MRPS27: variants seen among roughly 807,000 people sequenced by gnomAD.
MRPS27 encodes the protein mitochondrial ribosomal protein S27.
A neutral mutation model predicts 48.9 loss-of-function variants in MRPS27; 43 were observed. That is an observed-to-expected ratio of 0.88 (90% CI 0.69 to 1.13). The LOEUF is 1.13. Ranked by LOEUF, MRPS27 falls within the 50% of genes most tolerant of loss-of-function variation. The pLI is 0.00. For missense variants in MRPS27, 467 were observed against 476.3 expected (o/e 0.98, Z 0.18); for synonymous variants, 188 against 171.9 (o/e 1.09, Z -0.73).
chr5:72,297,186 T>C (rs1455086818), intron 3 of MRPS27, among the ~76,000 whole-genome samples: 1 of 152,218 alleles, frequency 6.6e-6, no homozygotes, highest in African/African-American at 2.4e-5. Flanking sequence ...TGGTTACTAT[T>C]CCTGATTCCT....
chr5:72,284,387 G>A (rs2112039435), intron 4 of MRPS27, among the ~76,000 whole-genome samples: 1 of 150,596 alleles, frequency 6.6e-6, no homozygotes, highest in South Asian at 2.1e-4. Context: ...TCCTGCCACT[G>A]CATGCCAGCC....
chr5:72,294,194 TA>T (rs1286056391), intron 4 of MRPS27, among the ~76,000 whole-genome samples: 6 of 148,644 alleles, frequency 4.0e-5, no homozygotes, highest in East Asian at 2.0e-4. Context: ...ATTCAGAAAT[TA>T]AAAAAAAAGC....
At chr5:72,291,388 C>A (rs963064050) in intron 4 of MRPS27, among the ~76,000 whole-genome samples, 1 of 152,126 alleles carries the variant, frequency 6.6e-6, no homozygotes, top group African/African-American at 2.4e-5. Context: ...TAGTTTCTTA[C>A]AACAGAAACC....
chr5:72,243,077 C>T lies in MRPS27; in HGVS notation c.282-4949G>A, dbSNP rs369970159. On this transcript the variant is annotated intron_variant, in intron 4 of 10. Coordinates refer to ENST00000261413, the MANE Select transcript of MRPS27 (RefSeq NM_015084.3). ...CTGTATCCTGTGGCAACAGGCTTTA[C>T]AGATGGGAACCTCAGCCACGGAGCT... is the stretch of plus-strand genomic sequence containing the variant. 5.3e-5 allele frequency among the ~76,000 whole-genome samples: 8 copies of T among 152,314 alleles called. No homozygotes were observed. In the East Asian group the frequency reaches 1.5e-3, roughly 29 times the overall value.
intron 4 of MRPS27, among the ~76,000 whole-genome samples, chr5:72,283,130 G>C (rs1012436888): frequency 6.6e-6 from 1 of 152,038 alleles, no homozygotes; most frequent in African/African-American, 2.4e-5. Flanking sequence ...CTGATGTCCA[G>C]AGAGTTCACT....
intron 2 of MRPS27, among the ~76,000 whole-genome samples, chr5:72,312,621 ATTT>A (rs1053626658): frequency 7.2e-6 from 1 of 138,192 alleles, no homozygotes. Flanking sequence ...AATCATACTG[ATTT>A]TTTTTTTTTT....
chr5:72,234,535 G>A (rs377345519), intron 5 of MRPS27, among the ~76,000 whole-genome samples: 1 of 152,010 alleles, frequency 6.6e-6, no homozygotes, highest in African/African-American at 2.4e-5. Context: ...CTGGTTCAGT[G>A]ACTCTTCTTA....
At chr5:72,252,273 T>A (rs576460978) in intron 4 of MRPS27, among the ~76,000 whole-genome samples, 1 of 152,338 alleles carries the variant, frequency 6.6e-6, no homozygotes, top group African/African-American at 2.4e-5. Flanking sequence ...ACTTGTACCA[T>A]AAGTATATTT....
chr5:72,317,925 T>G (rs1380532900), intron 1 of MRPS27, among the ~76,000 whole-genome samples: 2 of 152,226 alleles, frequency 1.3e-5, no homozygotes, highest in East Asian at 3.8e-4. Flanking sequence ...TACTTTAAGC[T>G]GGGGTGTCCA....
chr5:72,264,560 G>A (rs1276701929), intron 4 of MRPS27, among the ~76,000 whole-genome samples: 1 of 152,190 alleles, frequency 6.6e-6, no homozygotes, highest in Non-Finnish European at 1.5e-5. Context: ...GAGGTCTTTG[G>A]AGGGGGTGTA....
At chr5:72,303,990 CAAT>C (rs1162567150) in intron 2 of MRPS27, among the ~76,000 whole-genome samples, 11 of 150,532 alleles carry the variant, frequency 7.3e-5, no homozygotes, top group African/African-American at 2.0e-4. Context: ...TTTTAGAACT[CAAT>C]AAAATTGGTT....
intron 2 of MRPS27, among the ~76,000 whole-genome samples, chr5:72,309,114 G>A (rs1750366105): frequency 6.6e-6 from 1 of 151,544 alleles, no homozygotes; most frequent in South Asian, 2.1e-4. Flanking sequence ...TGACTGGAGA[G>A]ATTCAGGATA....
In MRPS27 at chr5:72,220,996, A is replaced by G; in HGVS notation, c.1158T>C (p.Leu386=). The change falls in exon 11 of 11, where the codon CTT becomes CTC. Residue 386 remains leucine, a synonymous_variant. Transcript: ENST00000261413. Reference sequence around the variant, plus strand: ...GCTGTTCTCTCTGGATCAACTGTACAAGGTCTAGATGCCACTGCTGCAGAT... The same window carrying G: ...GCTGTTCTCTCTGGATCAACTGTACGAGGTCTAGATGCCACTGCTGCAGAT... The part of the protein sequence containing the change: ...EQNLQQWHLD[L]VQLIQREQQQ... 1 of 1,614,084 alleles carries G rather than the reference A, an allele frequency of 6.2e-7. No homozygotes were observed.
Position 72,225,909 on chromosome 5 carries a change from T to C in MRPS27, c.837+148A>G, listed in dbSNP as rs1321094770. On this transcript the variant is annotated intron_variant, in intron 9 of 10. Coordinates refer to ENST00000261413, the MANE Select transcript of MRPS27 (RefSeq NM_015084.3). ...TGGTCAGGAGCATTGAAAATGTTTG[T>C]GGTTTTGCATTTTTTCGACTTGATA... 5.3e-6 allele frequency: 4 copies of C among 750,348 alleles called. No individual in the cohort carries two copies. The Admixed American group carries it at 1.3e-4, about 24-fold the overall frequency. The allele number at this position is 750,348 out of a possible 1,614,324, so 46.5% of individuals were successfully genotyped here.
intron 4 of MRPS27, among the ~76,000 whole-genome samples, chr5:72,289,490 C>T (rs779337260): frequency 1.6e-4 from 25 of 151,712 alleles, no homozygotes; most frequent in Non-Finnish European, 2.9e-4. Flanking sequence ...GGTATGACCT[C>T]GGTTCACTGC....
intron 2 of MRPS27, among the ~76,000 whole-genome samples, chr5:72,307,623 A>T (rs948990098): frequency 3.3e-5 from 5 of 152,082 alleles, no homozygotes; most frequent in Non-Finnish European, 5.9e-5. Flanking sequence ...GGTGATGGGT[A>T]AAGGGGGCTC....
intron 4 of MRPS27, among the ~76,000 whole-genome samples, chr5:72,278,359 T>C (rs892673536): frequency 6.8e-6 from 1 of 146,598 alleles, no homozygotes; most frequent in African/African-American, 2.5e-5. Context: ...AGGAGAATGG[T>C]GTGAACCCAG....
chr5:72,241,762 G>C, intron 4 of MRPS27: 1 of 1,438,720 alleles, frequency 7.0e-7, no homozygotes, highest in Non-Finnish European at 9.4e-7. Context: ...AAACAGACTG[G>C]CTTTTGTTCT....
chr5:72,281,698 T>C (rs1182427344), intron 4 of MRPS27, among the ~76,000 whole-genome samples: 1 of 152,198 alleles, frequency 6.6e-6, no homozygotes, highest in African/African-American at 2.4e-5. Context: ...AACTGGAGTC[T>C]GAAAGCACTG....
Sources: gnomAD v4.1 joint callset for allele counts (sites outside exome capture counted in the v4.1 genomes callset) on GRCh38, gnomAD v4.1.1 for gene constraint, MANE v1.5 for transcripts, NCBI Gene and HGNC (gene_info 2026-07-23, HGNC 2026-07-21) for gene names.